MCCC1: variants seen among roughly 807,000 people sequenced by gnomAD.
The protein encoded by MCCC1 is methylcrotonoyl-CoA carboxylase subunit alpha, mitochondrial.
In MCCC1, 64 loss-of-function variants were observed where a neutral mutation model predicts 83.8. The ratio of observed to expected loss-of-function variants is 0.76; its 90% CI spans 0.62 to 0.94. The LOEUF (loss-of-function observed/expected upper bound fraction) is 0.94. Among genes scored for constraint, MCCC1 ranks in the 40% least tolerant of loss-of-function variants. The probability of loss-of-function intolerance (pLI) is 0.00; values close to 1 mark genes in which losing one functional copy is unlikely to be tolerated. For missense variants in MCCC1, 807 were observed against 904.7 expected (o/e 0.89, Z 1.39); for synonymous variants, 322 against 315.4 (o/e 1.02, Z -0.22).
chr3:183,077,009 T>C (rs1251496761), intron 4 of MCCC1, among the ~76,000 whole-genome samples: 1 of 152,222 alleles, frequency 6.6e-6, no homozygotes, highest in African/African-American at 2.4e-5. Context: ...TGACTGGCTC[T>C]GTCACTGAAC....
chr3:183,110,569 AT>A (rs1719475798), intron 1 of MCCC1, among the ~76,000 whole-genome samples: 1 of 151,498 alleles, frequency 6.6e-6, no homozygotes, highest in Non-Finnish European at 1.5e-5. Flanking sequence ...AATTTTTTGT[AT>A]TTTTTAGTGG....
chr3:183,074,220 C>T (rs1199275331), intron 4 of MCCC1, among the ~76,000 whole-genome samples: 1 of 152,220 alleles, frequency 6.6e-6, no homozygotes, highest in African/African-American at 2.4e-5. Context: ...ATCCCTCAGA[C>T]TTCAGCCTAG....
intron 7 of MCCC1, among the ~76,000 whole-genome samples, chr3:183,061,918 G>A (rs1340918602): frequency 2.6e-5 from 4 of 152,194 alleles, no homozygotes; most frequent in African/African-American, 9.7e-5. Context: ...CCCATGTGTG[G>A]TGGGAGGGAC....
chr3:183,048,575 C>G (rs1455954662), intron 9 of MCCC1, among the ~76,000 whole-genome samples: 1 of 151,990 alleles, frequency 6.6e-6, no homozygotes, highest in Non-Finnish European at 1.5e-5. Context: ...ATGCATGTAC[C>G]TAACAACAGA....
At chr3:183,017,182 T>G in intron 18 of MCCC1, 84 bp downstream of exon 18, 1 of 1,212,390 alleles carries the variant, frequency 8.2e-7, no homozygotes, top group Non-Finnish European at 1.2e-6. Context: ...TAAGGTGGTA[T>G]TAACTTACAA....
At chr3:183,098,560 T>C (rs905515055) in intron 1 of MCCC1, 1 of 152,252 alleles carries the variant, frequency 6.6e-6, no homozygotes, top group Non-Finnish European at 1.5e-5. Flanking sequence ...CCTTGAACAC[T>C]AAACTGTCAA....
chr3:183,060,299 G>T (rs892536946), intron 7 of MCCC1, among the ~76,000 whole-genome samples: 10 of 152,064 alleles, frequency 6.6e-5, no homozygotes, highest in Non-Finnish European at 1.0e-4. Flanking sequence ...AATCTTTGTG[G>T]CCTTGCATAA....
At chr3:183,034,863 C>T (rs1420949560) in intron 13 of MCCC1, among the ~76,000 whole-genome samples, 3 of 151,878 alleles carry the variant, frequency 2.0e-5, no homozygotes, top group East Asian at 1.9e-4. Flanking sequence ...CTGCAACCTC[C>T]ACCTCCTGGG....
rs1440602915 is a variant in MCCC1 at position 183,041,504 on chromosome 3, C to A, written c.1267+63G>T. ...GTAAGACTCAGGGATAAGAATGTGT[C>A]CAAAAACAATAATGTACTAAAAACT... On this transcript the variant is annotated intron_variant, in intron 11 of 18. Transcript: ENST00000265594. 2.6e-6 allele frequency: 4 copies of A among 1,558,026 alleles called. No homozygotes were observed. In the African/African-American group the frequency reaches 5.4e-5, roughly 21 times the overall value.
At chr3:183,083,355 A>T (rs1717655128) in intron 4 of MCCC1, among the ~76,000 whole-genome samples, 1 of 152,234 alleles carries the variant, frequency 6.6e-6, no homozygotes, top group Non-Finnish European at 1.5e-5. Flanking sequence ...AAACAGCTTT[A>T]CTTAGGCTAA....
intron 3 of MCCC1, among the ~76,000 whole-genome samples, chr3:183,091,777 T>C (rs2108564078): frequency 6.6e-6 from 1 of 151,836 alleles, no homozygotes; most frequent in South Asian, 2.1e-4. Flanking sequence ...GCACGGTGGC[T>C]CACGCCTGTT....
At chr3:183,079,105 A>C (rs1717298136) in intron 4 of MCCC1, among the ~76,000 whole-genome samples, 1 of 152,214 alleles carries the variant, frequency 6.6e-6, no homozygotes, top group Non-Finnish European at 1.5e-5. Context: ...GGGTGGGGAC[A>C]CAGAACCAAA....
chr3:183,057,680 T>A (rs1009459440), intron 7 of MCCC1, among the ~76,000 whole-genome samples: 1 of 152,004 alleles, frequency 6.6e-6, no homozygotes, highest in African/African-American at 2.4e-5. Context: ...GAGTTCAAGA[T>A]GAGCCTGGGC....
At chr3:183,090,939 C>T (rs987634622) in intron 3 of MCCC1, 1 of 455,530 alleles carries the variant, frequency 2.2e-6, no homozygotes, top group Non-Finnish European at 4.4e-6. Flanking sequence ...CACTGACCTT[C>T]GATGGGAAAG....
chr3:183,058,957 T>C (rs1027345085), intron 7 of MCCC1, among the ~76,000 whole-genome samples: 1 of 152,172 alleles, frequency 6.6e-6, no homozygotes, highest in Non-Finnish European at 1.5e-5. Flanking sequence ...TTCAGTACAA[T>C]AGTTCATTTC....
chr3:183,106,831 T>TTC (rs947527596), intron 1 of MCCC1, among the ~76,000 whole-genome samples: 1 of 151,954 alleles, frequency 6.6e-6, no homozygotes, highest in Admixed American at 6.6e-5. Flanking sequence ...TGCTTTATCT[T>TTC]TCTCTCTCTC....
At chr3:183,103,076 G>A (rs546908803), upstream of MCCC1, among the ~76,000 whole-genome samples, 15 of 151,944 alleles carry the variant, frequency 9.9e-5, no homozygotes, top group African/African-American at 3.1e-4. Flanking sequence ...AAGGTGGCGC[G>A]TCTGGAGTTT....
intron 12 of MCCC1, 102 bp from the exon 13 acceptor site, chr3:183,037,536 T>C (rs1577267391): frequency 9.8e-7 from 1 of 1,018,296 alleles, no homozygotes; most frequent in African/African-American, 1.6e-5. Flanking sequence ...TGTGAACAAC[T>C]CTTAGGAAAA....
intron 9 of MCCC1, among the ~76,000 whole-genome samples, chr3:183,050,220 T>C (rs1714860694): frequency 6.6e-6 from 1 of 152,114 alleles, no homozygotes; most frequent in Admixed American, 6.5e-5. Flanking sequence ...TCTGAATAGC[T>C]ATATTTATTA....
Sources: allele counts gnomAD v4.1 joint callset (sites outside exome capture counted in the v4.1 genomes callset), GRCh38; gene constraint gnomAD v4.1.1; transcripts MANE v1.5; gene names NCBI Gene and HGNC (gene_info 2026-07-23, HGNC 2026-07-21).